The following TRIM71 variants were observed in gnomAD, a reference collection of about 807,000 sequenced individuals.
TRIM71 encodes tripartite motif containing 71.
A neutral mutation model predicts 61.2 loss-of-function variants in TRIM71; 9 were observed. The observed-to-expected ratio is 0.15, with a 90% CI of 0.09 to 0.26. TRIM71 has a LOEUF of 0.26. Among genes scored for constraint, TRIM71 ranks in the 10% least tolerant of loss-of-function variants. TRIM71 has a pLI of 1.00. For missense variants in TRIM71, 998 were observed against 1,238.7 expected, an observed-to-expected ratio of 0.81 and a Z score of 2.92; for synonymous variants, 645 against 553.2, an observed-to-expected ratio of 1.17 and a Z score of -2.33.
At chr3:32,833,352 C>T (rs994878991) in intron 1 of TRIM71, among the ~76,000 whole-genome samples, 1 of 152,060 alleles carries the variant, frequency 6.6e-6, no homozygotes, top group Non-Finnish European at 1.5e-5. Context: ...AAAGTAAGCT[C>T]TGGGGAAACA....
rs1696084349 is a variant in TRIM71 at position 32,818,448 on chromosome 3, T to C, written c.368T>C (p.Val123Ala). 6.8e-7 allele frequency: 1 copy of C among 1,465,466 alleles called. No homozygotes were observed. Among genetic ancestry groups the C allele is most frequent in the Non-Finnish European group, 9.0e-7 (1 of 1,113,514 alleles). 90.8% of individuals were successfully genotyped at this position (1,465,466 alleles called of 1,614,324 possible). ...CTGCTTAGCAACCTGCTCGACGCGGTGGTGGCCACTGCCGACGAGCCGCCG... is the reference window on the plus strand; with the variant it reads ...CTGCTTAGCAACCTGCTCGACGCGGCGGTGGCCACTGCCGACGAGCCGCCG... The part of the protein sequence containing the change: ...AFLLSNLLDA[V>A]VATADEPPPK... Residue 123 changes from valine to alanine, a missense_variant, in exon 1 of 4, where the codon GTG becomes GCG. Physicochemically the swap from Val to Ala is moderately conservative, Grantham distance 64. This residue lies in a region of TRIM71 where 527 missense variants were observed against 427.8 expected (regional missense o/e 1.23). Coordinates refer to ENST00000383763, the MANE Select transcript of TRIM71 (RefSeq NM_001039111.3).
intron 1 of TRIM71, among the ~76,000 whole-genome samples, chr3:32,821,980 G>T (rs933458759): frequency 6.6e-5 from 10 of 152,142 alleles, no homozygotes; most frequent in Non-Finnish European, 1.3e-4. Flanking sequence ...TTCACAACTA[G>T]GGAGTTGTGA....
intron 1 of TRIM71, among the ~76,000 whole-genome samples, chr3:32,836,150 G>T (rs1237579613): frequency 1.3e-5 from 2 of 152,078 alleles, no homozygotes; most frequent in Non-Finnish European, 1.5e-5. Context: ...CTAGAACCCT[G>T]GAGAGGCACG....
At chr3:32,837,604 G>T (rs1696349655) in intron 1 of TRIM71, among the ~76,000 whole-genome samples, 1 of 152,084 alleles carries the variant, frequency 6.6e-6, no homozygotes, top group Non-Finnish European at 1.5e-5. Flanking sequence ...CGAATCACGA[G>T]GTCAGGAGAT....
At chr3:32,825,598 T>C in intron 1 of TRIM71, among the ~76,000 whole-genome samples, 1 of 152,180 alleles carries the variant, frequency 6.6e-6, no homozygotes, top group East Asian at 1.9e-4. Flanking sequence ...AAAATACTGC[T>C]TCCCCCCTTC....
chr3:32,873,706 C>T (rs1696822113), intron 1 of TRIM71, 112 bp from the exon 2 acceptor site: 1 of 1,026,616 alleles, frequency 9.7e-7, no homozygotes, highest in South Asian at 2.5e-5. Context: ...TGTGCTTGCT[C>T]ATTGGGGAAG....
chr3:32,835,550 C>T (rs1696324992), intron 1 of TRIM71, among the ~76,000 whole-genome samples: 1 of 152,238 alleles, frequency 6.6e-6, no homozygotes, highest in African/African-American at 2.4e-5. Flanking sequence ...GGGAAAATAA[C>T]GTTTTGTTTA....
At chr3:32,861,190 T>A (rs931611409) in intron 1 of TRIM71, among the ~76,000 whole-genome samples, 1 of 151,600 alleles carries the variant, frequency 6.6e-6, no homozygotes, top group Non-Finnish European at 1.5e-5. Flanking sequence ...ATAATCTTTT[T>A]TTTTTTCTTG....
intron 1 of TRIM71, among the ~76,000 whole-genome samples, chr3:32,824,715 G>T (rs1000085697): frequency 6.6e-6 from 1 of 152,012 alleles, no homozygotes; most frequent in African/African-American, 2.4e-5. Context: ...AACTCCCAAG[G>T]TCAAGCGACC....
chr3:32,821,993 G>C (rs1286074685), intron 1 of TRIM71, among the ~76,000 whole-genome samples: 1 of 152,078 alleles, frequency 6.6e-6, no homozygotes, highest in African/African-American at 2.4e-5. Context: ...AGTTGTGAGC[G>C]CTGCTCCAGC....
chr3:32,865,994 T>G (rs1439466267), intron 1 of TRIM71, among the ~76,000 whole-genome samples: 1 of 151,746 alleles, frequency 6.6e-6, no homozygotes, highest in African/African-American at 2.4e-5. Flanking sequence ...GCCTGGCTAA[T>G]TTTTGTGTAT....
chr3:32,876,593 AACAG>A (rs1696854947), intron 2 of TRIM71, among the ~76,000 whole-genome samples: 1 of 151,946 alleles, frequency 6.6e-6, no homozygotes, highest in African/African-American at 2.4e-5. Context: ...CAAACAAACA[AACAG>A]ACAAACAAAA....
intron 1 of TRIM71, among the ~76,000 whole-genome samples, chr3:32,853,001 A>C (rs1696556131): frequency 6.6e-6 from 1 of 152,186 alleles, no homozygotes; most frequent in Non-Finnish European, 1.5e-5. Context: ...TTGGTTACCA[A>C]GGAATACTTG....
chr3:32,818,022 TCTC>T lies in TRIM71; in HGVS notation c.-43_-41del, dbSNP rs886969239. 3,173 of 1,498,098 alleles carry T rather than the reference TCTC, an allele frequency of 2.1e-3. No individual in the cohort carries two copies. Among genetic ancestry groups the T allele is most frequent in the Non-Finnish European group, 2.3e-3 (2,471 of 1,090,756 alleles). 92.8% of individuals were successfully genotyped at this position (1,498,098 alleles called of 1,614,324 possible). A position where few individuals can be genotyped will look rare whatever the true frequency, so the allele number is the denominator to read the frequency against. On this transcript the variant is annotated 5_prime_UTR_variant, in exon 1 of 4. Transcript: ENST00000383763. Reference sequence around the variant, plus strand: ...ACTCCCCCACCCACCTCGTCCGCTCTCTCCTCCTCCTCCTCCTCTTCCTCTCTG... The same window carrying T: ...ACTCCCCCACCCACCTCGTCCGCTCTCTCCTCCTCCTCCTCTTCCTCTCTG...
chr3:32,865,131 C>T (rs1039248075), intron 1 of TRIM71, among the ~76,000 whole-genome samples: 16 of 152,022 alleles, frequency 1.1e-4, no homozygotes, highest in South Asian at 2.1e-4. Flanking sequence ...AGATTGAGAC[C>T]ATCCTGGCTA....
At chr3:32,885,864 A>T in intron 2 of TRIM71, 70 bp from the exon 3 acceptor site, 1 of 1,549,538 alleles carries the variant, frequency 6.5e-7, no homozygotes, top group South Asian at 1.3e-5. Context: ...GACAGAGCAG[A>T]TTCAAATGTT....
intron 1 of TRIM71, among the ~76,000 whole-genome samples, chr3:32,846,886 A>G (rs1325351251): frequency 6.6e-6 from 1 of 152,192 alleles, no homozygotes; most frequent in African/African-American, 2.4e-5. Flanking sequence ...TAAAGGCTGA[A>G]TAGTATTCAC....
chr3:32,886,187 A>G, intron 3 of TRIM71, 119 bp downstream of exon 3: 1 of 1,294,618 alleles, frequency 7.7e-7, no homozygotes, highest in South Asian at 2.2e-5. Flanking sequence ...AACACTTCGT[A>G]ATTTTCCAGA....
chr3:32,879,312 ACTT>A (rs1292638766), intron 2 of TRIM71, among the ~76,000 whole-genome samples: 8 of 152,172 alleles, frequency 5.3e-5, no homozygotes, highest in Admixed American at 2.6e-4. Context: ...ACTGGAGTGA[ACTT>A]CTAATTTATT....
Sources: gnomAD v4.1 joint callset for allele counts (sites outside exome capture counted in the v4.1 genomes callset) on GRCh38, gnomAD v4.1.1 for gene constraint, gnomAD v4.1.1 regional missense constraint, MANE v1.5 for transcripts, NCBI Gene and HGNC (gene_info 2026-07-23, HGNC 2026-07-21) for gene names.